Variants in PPP1R11 observed in about 807,000 individuals in gnomAD.
PPP1R11 encodes the protein protein phosphatase 1 regulatory inhibitor subunit 11.
In PPP1R11, 10 loss-of-function variants were observed where a neutral mutation model predicts 11.3. That is an observed-to-expected ratio of 0.88 (90% CI 0.55 to 1.50). The LOEUF (loss-of-function observed/expected upper bound fraction) is 1.50. Ranked by LOEUF, PPP1R11 falls within the 40% of genes most tolerant of loss-of-function variation. The pLI is 0.00. For missense variants in PPP1R11, 114 were observed against 179.1 expected (o/e 0.64, Z 2.07); for synonymous variants, 56 against 62.3 (o/e 0.90, Z 0.48).
At chr6:30,064,971 T>C (rs1025896465), upstream of PPP1R11, 5 of 352,948 alleles carry the variant, frequency 1.4e-5, no homozygotes, top group East Asian at 8.7e-5. Flanking sequence ...TCCAGAGATA[T>C]ATTTATATGA....
rs1765621715 is a variant in PPP1R11 at position 30,067,439 on chromosome 6, A to G, written c.29A>G (p.Glu10Gly). The G allele has an allele frequency of 6.2e-7, 1 of 1,614,140 alleles. No individual in the cohort carries two copies. Among genetic ancestry groups the G allele is most frequent in the Non-Finnish European group, 8.5e-7 (1 of 1,180,016 alleles). Residue 10 changes from glutamate to glycine, a missense_variant, in exon 1 of 3, where the codon GAG (glutamate) becomes GGG (glycine). Transcript: ENST00000376772. MAEAGAGLS[E>G]TVTETTVTVT... ...GCCGAGGCAGGGGCTGGGCTGAGCGAGACCGTCACTGAGACAACGGTTACC... is the reference window on the plus strand; with the variant it reads ...GCCGAGGCAGGGGCTGGGCTGAGCGGGACCGTCACTGAGACAACGGTTACC...
At chr6:30,063,637 A>G (rs1765287405), upstream of PPP1R11, among the ~76,000 whole-genome samples, 1 of 151,808 alleles carries the variant, frequency 6.6e-6, no homozygotes, top group South Asian at 2.1e-4. This position sits in a 1 kb window ranked among gnomAD's most constrained non-coding sequence, Gnocchi z 4.1. Flanking sequence ...TCTCTCTCAT[A>G]GTGCTTTTTT....
chr6:30,062,233 C>G (rs201936252), upstream of PPP1R11: 1 of 1,612,774 alleles, frequency 6.2e-7, no homozygotes, highest in South Asian at 1.1e-5. Flanking sequence ...GGTTGACAGG[C>G]GCTGCCCTCG....
chr6:30,064,292 C>CAA (rs372351529), upstream of PPP1R11, among the ~76,000 whole-genome samples: 8 of 144,052 alleles, frequency 5.6e-5, no homozygotes, highest in African/African-American at 1.5e-4. Context: ...GTCATTTTAC[C>CAA]AAAAAAAAAA....
chr6:30,062,076 T>A (rs1254625516), upstream of PPP1R11: 14 of 1,536,914 alleles, frequency 9.1e-6, no homozygotes, highest in Non-Finnish European at 9.0e-7. Flanking sequence ...AATGGAGGAG[T>A]GATTGCAAAG....
At position 30,069,048 on chromosome 6, in the gene PPP1R11, T is replaced by C; in HGVS notation, c.179-56T>C. 1 of 1,482,722 alleles carries C rather than the reference T, an allele frequency of 6.7e-7. No homozygotes were observed. The highest frequency in any genetic ancestry group is 9.4e-7 in the Non-Finnish European group (1 of 1,066,338). 91.8% of individuals were successfully genotyped at this position (1,482,722 alleles called of 1,614,324 possible). On this transcript the variant is annotated intron_variant, in intron 2 of 2. Coordinates refer to ENST00000376772, the MANE Select transcript of PPP1R11 (RefSeq NM_021959.3). The surrounding 1 kb of genome is among the most constrained non-coding windows in gnomAD (Gnocchi z 6.6). Reference sequence around the variant, plus strand: ...CACTGAGTTTGAGTGGGAATGGAACTGACTATATATCTTACCCTTCCTCCT... The same window carrying C: ...CACTGAGTTTGAGTGGGAATGGAACCGACTATATATCTTACCCTTCCTCCT...
In PPP1R11 at chr6:30,067,419, G is replaced by A. The variant is rs1765619360; in HGVS notation, c.9G>A (p.Glu3=). The part of the protein sequence containing the change: MA[E]AGAGLSETVT... ...TGTCCTGAGCCTTAGCCATGGCCGA[G>A]GCAGGGGCTGGGCTGAGCGAGACCG... Residue 3 remains glutamate (E), a synonymous_variant, in exon 1 of 3, where the codon GAG becomes GAA. Coordinates refer to ENST00000376772, the MANE Select transcript of PPP1R11 (RefSeq NM_021959.3). The A allele has an allele frequency of 5.6e-6, 9 of 1,614,186 alleles. No individual in the cohort carries two copies. The highest frequency in any genetic ancestry group is 7.6e-6 in the Non-Finnish European group (9 of 1,179,990).
chr6:30,063,585 C>T (rs9261278), upstream of PPP1R11, among the ~76,000 whole-genome samples: 22,557 of 151,716 alleles, frequency 0.15, 2,245 homozygotes, highest in African/African-American at 0.27. This position sits in a 1 kb window ranked among gnomAD's most constrained non-coding sequence, Gnocchi z 4.1. Context: ...CTGATATCTG[C>T]GGATTTTGTG....
upstream of PPP1R11, chr6:30,066,647 C>T (rs1281972623): frequency 6.6e-6 from 1 of 152,202 alleles, no homozygotes; most frequent in Non-Finnish European, 1.5e-5. Context: ...ATCTTCAAGG[C>T]GTAGCACAGT....
upstream of PPP1R11, among the ~76,000 whole-genome samples, chr6:30,062,602 G>C (rs892033762): frequency 4.0e-5 from 5 of 125,104 alleles, no homozygotes; most frequent in African/African-American, 1.5e-4. Context: ...CTAGCCTGGA[G>C]TGCAGCGAGG....
At chr6:30,061,417 C>T in the PPP1R11 span, 1 of 1,310,076 alleles carries the variant, frequency 7.6e-7, no homozygotes, top group Non-Finnish European at 1.1e-6. The surrounding 1 kb of genome is among the most constrained non-coding windows in gnomAD (Gnocchi z 5.0). Flanking sequence ...CAGGAGGGTT[C>T]GGGTTATATA....
upstream of PPP1R11, among the ~76,000 whole-genome samples, chr6:30,066,051 C>T (rs571313456): frequency 6.6e-6 from 1 of 152,248 alleles, no homozygotes; most frequent in South Asian, 2.1e-4. Flanking sequence ...GGAGAATGGG[C>T]AGGGCAGTCT....
chr6:30,064,384 A>G (rs576840663), upstream of PPP1R11, among the ~76,000 whole-genome samples: 1 of 151,578 alleles, frequency 6.6e-6, no homozygotes, highest in East Asian at 1.9e-4. Flanking sequence ...AATGAGCAGA[A>G]GTTTTAAGTT....
At chr6:30,064,135 T>C (rs1765323273), upstream of PPP1R11, among the ~76,000 whole-genome samples, 1 of 152,188 alleles carries the variant, frequency 6.6e-6, no homozygotes, top group Admixed American at 6.5e-5. Flanking sequence ...GGGACATTAG[T>C]TTTAACTTCC....
the PPP1R11 span, chr6:30,061,391 C>A: frequency 1.0e-6 from 1 of 992,076 alleles, no homozygotes; most frequent in Non-Finnish European, 1.5e-6. The surrounding 1 kb of genome is among the most constrained non-coding windows in gnomAD (Gnocchi z 5.0). Context: ...GTCGCAGAGG[C>A]AGGAGGCGTG....
chr6:30,062,961 C>A (rs1235755016), upstream of PPP1R11, among the ~76,000 whole-genome samples: 1 of 151,556 alleles, frequency 6.6e-6, no homozygotes, highest in Non-Finnish European at 1.5e-5. Flanking sequence ...ATACTGCAGT[C>A]TTCAACCGCA....
In PPP1R11 at chr6:30,069,547, T is replaced by G; in HGVS notation, c.*241T>G. ...CTCTCGAGGGATCTAGGCACCTTGGTCCCAGTGTCTTCCTTTTGTTCTCAC... is the reference window on the plus strand; with the variant it reads ...CTCTCGAGGGATCTAGGCACCTTGGGCCCAGTGTCTTCCTTTTGTTCTCAC... On this transcript the variant is annotated 3_prime_UTR_variant, in exon 3 of 3. Transcript: ENST00000376772. This position sits in a 1 kb window ranked among gnomAD's most constrained non-coding sequence, Gnocchi z 6.6. 1 of 426,166 alleles carries G rather than the reference T, an allele frequency of 2.3e-6. No individual in the cohort carries two copies. Among genetic ancestry groups the G allele is most frequent in the Non-Finnish European group, 4.1e-6 (1 of 242,064 alleles). The allele number at this position is 426,166 out of a possible 1,614,324, so 26.4% of individuals were successfully genotyped here.
At chr6:30,064,660 T>C (rs1426715213), upstream of PPP1R11, 1 of 1,606,868 alleles carries the variant, frequency 6.2e-7, no homozygotes, top group Non-Finnish European at 8.5e-7. Flanking sequence ...ACAAGTCCTT[T>C]CTTTCCTCAT....
chr6:30,069,018 A>G lies in PPP1R11; in HGVS notation c.179-86A>G, dbSNP rs1288579722. The G allele has an allele frequency of 1.8e-5, 25 of 1,372,262 alleles. No homozygotes were observed. Among genetic ancestry groups the G allele is most frequent in the South Asian group, 8.9e-5 (7 of 78,972 alleles). 85.0% of individuals were successfully genotyped at this position (1,372,262 alleles called of 1,614,324 possible). On this transcript the variant is annotated intron_variant, in intron 2 of 2. Transcript: ENST00000376772. The surrounding 1 kb of genome is among the most constrained non-coding windows in gnomAD (Gnocchi z 6.6). ...TCCTGGAAGGTAGGAGAAAATAGGA[A>G]TTTTCACTGAGTTTGAGTGGGAATG...
Sources: gnomAD v4.1 joint callset for allele counts (sites outside exome capture counted in the v4.1 genomes callset) on GRCh38, gnomAD v4.1.1 for gene constraint, Gnocchi (gnomAD v3.1) non-coding constraint, MANE v1.5 for transcripts, NCBI Gene and HGNC (gene_info 2026-07-23, HGNC 2026-07-21) for gene names.